Variants in CDKL4 observed in about 807,000 individuals in gnomAD.
CDKL4 encodes the protein cyclin-dependent kinase-like 4.
Under a neutral mutation model 42.0 loss-of-function variants are expected in CDKL4, and 44 were observed. The ratio of observed to expected loss-of-function variants is 1.05; its 90% CI spans 0.82 to 1.35. The LOEUF (loss-of-function observed/expected upper bound fraction) is 1.35. CDKL4 is among the 40% of genes most tolerant of loss of function. CDKL4 has a pLI of 0.00. For synonymous variants in CDKL4, 120 were observed against 121.6 expected (o/e 0.99, Z 0.09); for missense variants, 393 against 369.9 (o/e 1.06, Z -0.51).
At chr2:39,226,164 T>G (rs1165479240) in intron 2 of CDKL4, among the ~76,000 whole-genome samples, 4 of 151,910 alleles carry the variant, frequency 2.6e-5, no homozygotes, top group Non-Finnish European at 5.9e-5. Context: ...CAAAAAACAC[T>G]TTATGTATTT....
At chr2:39,190,282 T>C (rs918729046) in intron 6 of CDKL4, 23 bp downstream of exon 6, 1 of 1,578,326 alleles carries the variant, frequency 6.3e-7, no homozygotes, top group Admixed American at 1.7e-5. Context: ...AGCAACTCTG[T>C]TGCCATAAAA....
At chr2:39,198,496 CA>C (rs1363816660) in intron 5 of CDKL4, among the ~76,000 whole-genome samples, 1 of 152,046 alleles carries the variant, frequency 6.6e-6, no homozygotes, top group Non-Finnish European at 1.5e-5. Context: ...ATGGACTTAA[CA>C]GATATTTACA....
At chr2:39,226,444 AT>A (rs1423889063) in intron 2 of CDKL4, among the ~76,000 whole-genome samples, 2 of 136,770 alleles carry the variant, frequency 1.5e-5, no homozygotes, top group African/African-American at 5.2e-5. Flanking sequence ...AATTATATAT[AT>A]TATATATATA....
intron 5 of CDKL4, among the ~76,000 whole-genome samples, chr2:39,196,135 G>A (rs1676503540): frequency 6.6e-6 from 1 of 152,190 alleles, no homozygotes; most frequent in Non-Finnish European, 1.5e-5. Context: ...ATGTGCTCTT[G>A]AGAGCACCAG....
At chr2:39,190,191 T>G in intron 6 of CDKL4, 114 bp downstream of exon 6, 2 of 724,606 alleles carry the variant, frequency 2.8e-6, no homozygotes, top group Non-Finnish European at 4.2e-6. Context: ...AGTGACACTT[T>G]GAAGAAGCAA....
At chr2:39,205,938 C>T (rs558970940) in intron 4 of CDKL4, among the ~76,000 whole-genome samples, 2 of 152,162 alleles carry the variant, frequency 1.3e-5, no homozygotes, top group East Asian at 3.9e-4. Flanking sequence ...ACCTCCTCAC[C>T]GGAGCTAACC....
At chr2:39,207,500 G>A (rs1677276340) in intron 4 of CDKL4, among the ~76,000 whole-genome samples, 1 of 152,182 alleles carries the variant, frequency 6.6e-6, no homozygotes, top group Non-Finnish European at 1.5e-5. Context: ...CTCATACTTG[G>A]TGATTGCATT....
At chr2:39,183,481 C>T (rs1471585029) in intron 8 of CDKL4, among the ~76,000 whole-genome samples, 5 of 152,164 alleles carry the variant, frequency 3.3e-5, no homozygotes, top group Non-Finnish European at 7.3e-5. Context: ...CCAACCAGGG[C>T]TCTTCATCTT....
chr2:39,189,476 G>A (rs1040799255), intron 6 of CDKL4, among the ~76,000 whole-genome samples: 6 of 152,148 alleles, frequency 3.9e-5, no homozygotes, highest in Admixed American at 2.6e-4. Context: ...AAGATGATGC[G>A]TATGAAAGTA....
intron 5 of CDKL4, among the ~76,000 whole-genome samples, chr2:39,197,697 CA>C (rs1676602032): frequency 6.6e-6 from 1 of 152,118 alleles, no homozygotes; most frequent in African/African-American, 2.4e-5. Flanking sequence ...CCTCCTTAAA[CA>C]AAACAATTAT....
intron 5 of CDKL4, among the ~76,000 whole-genome samples, chr2:39,194,024 T>G (rs542352904): frequency 6.6e-5 from 10 of 152,344 alleles, no homozygotes; most frequent in African/African-American, 2.4e-4. Flanking sequence ...GTTGTATTAT[T>G]TTGGAGGGTA....
chr2:39,208,884 G>C (rs1254293981), intron 4 of CDKL4, among the ~76,000 whole-genome samples: 2 of 151,812 alleles, frequency 1.3e-5, no homozygotes, highest in African/African-American at 2.4e-5. Flanking sequence ...TTCTCTTTGA[G>C]CCTTAGGCAT....
upstream of CDKL4, among the ~76,000 whole-genome samples, chr2:39,244,107 G>T (rs949629808): frequency 2.0e-5 from 3 of 152,244 alleles, no homozygotes; most frequent in Non-Finnish European, 2.9e-5. Flanking sequence ...AGGTGACAGC[G>T]TGCTGGCAGT....
At chr2:39,170,226 C>T in the CDKL4 span, among the ~76,000 whole-genome samples, 1 of 139,994 alleles carries the variant, frequency 7.1e-6, no homozygotes, top group African/African-American at 2.7e-5. Context: ...TGTTAATTTT[C>T]GTATAAAACA....
chr2:39,210,316 G>A (rs935129954), intron 4 of CDKL4, among the ~76,000 whole-genome samples: 7 of 152,082 alleles, frequency 4.6e-5, no homozygotes, highest in Non-Finnish European at 1.0e-4. Context: ...TTTTAATAGA[G>A]GCCACATATT....
At chr2:39,206,412 C>G (rs1354182868) in intron 4 of CDKL4, among the ~76,000 whole-genome samples, 1 of 152,188 alleles carries the variant, frequency 6.6e-6, no homozygotes, top group Non-Finnish European at 1.5e-5. Flanking sequence ...AGCGGCCTTA[C>G]AACTTGCTGC....
At chr2:39,218,372 GTGTC>G (rs1383339167) in intron 3 of CDKL4, among the ~76,000 whole-genome samples, 2 of 152,126 alleles carry the variant, frequency 1.3e-5, no homozygotes, top group African/African-American at 4.8e-5. Flanking sequence ...ATAATGGTGA[GTGTC>G]TGTGGTCCCA....
exon 8 of CDKL4, chr2:39,184,632 T>C (rs112831085): frequency 6.2e-7 from 1 of 1,611,768 alleles, no homozygotes; most frequent in South Asian, 1.1e-5. Context: ...TCTGAGAACT[T>C]TTCCTCAAGA....
intron 1 of CDKL4, among the ~76,000 whole-genome samples, chr2:39,235,666 G>A (rs899128572): frequency 6.6e-6 from 1 of 152,154 alleles, no homozygotes; most frequent in Non-Finnish European, 1.5e-5. Flanking sequence ...AGGATGGTTT[G>A]AGCCTGGGAG....
Sources: allele counts gnomAD v4.1 joint callset (sites outside exome capture counted in the v4.1 genomes callset), GRCh38; gene constraint gnomAD v4.1.1; transcripts MANE v1.5; gene names NCBI Gene and HGNC (gene_info 2026-07-23, HGNC 2026-07-21).